The following ANKRD26 variants were observed in gnomAD, a reference collection of about 807,000 sequenced individuals.
The protein encoded by ANKRD26 is ankyrin repeat domain 26, also known as ankyrin repeat domain-containing protein 26.
Under a neutral mutation model 208.7 loss-of-function variants are expected in ANKRD26, and 141 were observed. The observed-to-expected ratio is 0.68, with a 90% CI of 0.59 to 0.78. The LOEUF (loss-of-function observed/expected upper bound fraction) is 0.78, where lower values mean the gene tolerates loss of function less well. ANKRD26 is among the 30% of genes least tolerant of loss of function. ANKRD26 has a pLI of 0.00. For missense variants in ANKRD26, 1,889 were observed against 1,938.7 expected, an observed-to-expected ratio of 0.97 and a Z score of 0.48; for synonymous variants, 636 against 660.4, an observed-to-expected ratio of 0.96 and a Z score of 0.57.
At chr10:26,988,244 C>T (rs1056382322), downstream of ANKRD26, among the ~76,000 whole-genome samples, 1 of 152,102 alleles carries the variant, frequency 6.6e-6, no homozygotes, top group Non-Finnish European at 1.5e-5. Flanking sequence ...ATTGGGAAAG[C>T]TAAAATTTCT....
rs1356208709 is a variant in ANKRD26 at position 27,047,739 on chromosome 10, A to AATAATAATTATT, written c.1814+1061_1814+1062insAATAATTATTAT. Among the ~76,000 whole-genome samples, 135 of 49,316 alleles carry AATAATAATTATT rather than the reference A, an allele frequency of 2.7e-3. 1 individual carries two copies. The highest frequency in any genetic ancestry group is 4.7e-3 in the African/African-American group (124 of 26,632). 32.4% of individuals were successfully genotyped at this position (49,316 alleles called of 152,430 possible). On this transcript the variant is annotated intron_variant, in intron 17 of 33. Coordinates refer to ENST00000376087, the MANE Select transcript of ANKRD26 (RefSeq NM_014915.3). ...TACTACTACTAATAATAATAATAATAATTATTATTATTATTATTATTGGAG... is the reference window on the plus strand; with the variant it reads ...TACTACTACTAATAATAATAATAATAATAATAATTATTATTATTATTATTATTATTATTGGAG...
At position 27,014,647 on chromosome 10, in the gene ANKRD26, C is replaced by G. The variant is rs2053229742; in HGVS notation, c.4571G>C (p.Ser1524Thr). Reference protein sequence around the residue: ...FRENNFASMKSQMELRIKDLE... With the variant: ...FRENNFASMKTQMELRIKDLE... ...ATCTTTAATTCTGAGTTCCATCTGA[C>G]TTTTCATTGAAGCAAAATTATTCTC... is the stretch of plus-strand genomic sequence containing the variant. The change falls in exon 31 of 34, where the codon AGT becomes ACT. Residue 1524 changes from serine to threonine, a missense_variant. Coordinates refer to ENST00000376087, the MANE Select transcript of ANKRD26 (RefSeq NM_014915.3). The G allele has an allele frequency of 6.2e-7, 1 of 1,612,856 alleles. No homozygotes were observed. Among genetic ancestry groups the G allele is most frequent in the Non-Finnish European group, 8.5e-7 (1 of 1,179,566 alleles).
rs1392413220 is a variant in ANKRD26 at position 27,046,515 on chromosome 10, G to A, written c.1823C>T (p.Pro608Leu). The change falls in exon 18 of 34, where the codon CCT becomes CTT. Residue 608 changes from proline to leucine, a missense_variant. Physicochemically the swap from Pro to Leu is moderately conservative, Grantham distance 98 (BLOSUM62 -3). Coordinates refer to ENST00000376087, the MANE Select transcript of ANKRD26 (RefSeq NM_014915.3). ...CTTTACTTCCTTCATTTGCAAGGCA[G>A]GACCACTACTTTAAAAAATCCATGG... The part of the protein sequence containing the change: ...KENKEYASSG[P>L]ALQMKEVKST... 6.2e-7 allele frequency: 1 copy of A among 1,612,934 alleles called. No individual in the cohort carries two copies. Among genetic ancestry groups the A allele is most frequent in the Non-Finnish European group, 8.5e-7 (1 of 1,179,874 alleles).
chr10:27,098,970 T>C (rs533915807), intron 1 of ANKRD26, among the ~76,000 whole-genome samples: 5 of 152,112 alleles, frequency 3.3e-5, no homozygotes, highest in Non-Finnish European at 5.9e-5. Flanking sequence ...TACACTTCTG[T>C]ATCTATTGCC....
In ANKRD26 at chr10:27,048,889, C is replaced by A. The variant is rs2054552938; in HGVS notation, c.1726G>T (p.Asp576Tyr). 1 of 1,613,078 alleles carries A rather than the reference C, an allele frequency of 6.2e-7. No individual in the cohort carries two copies. The highest frequency in any genetic ancestry group is 8.5e-7 in the Non-Finnish European group (1 of 1,179,616). ...TTTTGAATTAATCCATCATCATCAT[C>A]ATCATCTTCAGCATCATCAGTAGCA... Reference protein sequence around the residue: ...DGATDDAEDDDDDDGLIQKRK... With the variant: ...DGATDDAEDDYDDDGLIQKRK... The change falls in exon 17 of 34, where the codon GAT (aspartate) becomes TAT (tyrosine). Residue 576 changes from aspartate (D) to tyrosine (Y), a missense_variant. By Grantham distance (160) the Asp-to-Tyr change is radical. Transcript: ENST00000376087.
chr10:27,048,210 C>A (rs2054526497), intron 17 of ANKRD26, among the ~76,000 whole-genome samples: 1 of 152,128 alleles, frequency 6.6e-6, no homozygotes, highest in South Asian at 2.1e-4. Flanking sequence ...TCTGTGCAAT[C>A]CCTTGGCAAA....
rs1257814536 is a variant in ANKRD26, at chr10:27,035,574, G to A, written c.2876C>T (p.Thr959Ile). Residue 959 changes from threonine to isoleucine, a missense_variant, in exon 24 of 34, where the codon ACT becomes ATT. This residue lies in a region of ANKRD26 where 1,272 missense variants were observed against 1,273.8 expected (regional missense o/e 1.00). Transcript: ENST00000376087. ...TAATGTTTCCTCATTCTGTTTTATA[G>A]TCTTCTGAAGGTCTTCATTCTTTTC... ...VKEKNEDLQK[T>I]IKQNEETLTQ... is the part of the protein sequence containing the mutation. The A allele has an allele frequency of 6.2e-7, 1 of 1,613,366 alleles. No individual in the cohort carries two copies. The highest frequency in any genetic ancestry group is 8.5e-7 in the Non-Finnish European group (1 of 1,179,758).
intron 26 of ANKRD26, 27 bp downstream of exon 26, chr10:27,029,259 T>A: frequency 6.3e-7 from 1 of 1,592,660 alleles, no homozygotes; most frequent in Non-Finnish European, 8.6e-7. Flanking sequence ...ATAATCATGT[T>A]TTTCTGTGTG....
intron 3 of ANKRD26, among the ~76,000 whole-genome samples, chr10:27,092,898 C>T (rs35677484): frequency 0.08 from 12,136 of 152,162 alleles, 705 homozygotes; most frequent in East Asian, 0.28. Context: ...GCCTGGCCAA[C>T]ATGGCAAAAC....
At chr10:26,981,752 A>C (rs1365989432) in intron 4 of ANKRD26, among the ~76,000 whole-genome samples, 1 of 152,194 alleles carries the variant, frequency 6.6e-6, no homozygotes. Context: ...TTTCCTTTGA[A>C]TTTAACCAAT....
At chr10:26,949,706 T>C in the ANKRD26 span, among the ~76,000 whole-genome samples, 34 of 152,274 alleles carry the variant, frequency 2.2e-4, no homozygotes, top group African/African-American at 7.2e-4. Context: ...GCTTTCACCA[T>C]CGTGGCCAGG....
intron 19 of ANKRD26, among the ~76,000 whole-genome samples, chr10:27,043,828 A>G (rs2054348959): frequency 6.6e-6 from 1 of 151,482 alleles, no homozygotes; most frequent in African/African-American, 2.4e-5. Context: ...GTCTCGCTCT[A>G]TCACCCAGGC....
intron 7 of ANKRD26, 60 bp downstream of exon 7, chr10:27,079,029 G>A: frequency 6.9e-7 from 1 of 1,451,896 alleles, no homozygotes; most frequent in South Asian, 1.2e-5. Flanking sequence ...AATTTTAAGA[G>A]AATACTATAC....
At chr10:26,995,750 G>A (rs1375768355) in intron 4 of ANKRD26, among the ~76,000 whole-genome samples, 1 of 152,140 alleles carries the variant, frequency 6.6e-6, no homozygotes, top group Non-Finnish European at 1.5e-5. Flanking sequence ...CATTCATCTT[G>A]AGACACCTTG....
the ANKRD26 span, among the ~76,000 whole-genome samples, chr10:26,958,282 C>T: frequency 6.6e-6 from 1 of 152,032 alleles, no homozygotes; most frequent in Non-Finnish European, 1.5e-5. Context: ...GACTGGGTTT[C>T]ACCATGTTGG....
chr10:27,049,733 T>A (rs2054582337), intron 16 of ANKRD26, among the ~76,000 whole-genome samples: 1 of 152,188 alleles, frequency 6.6e-6, no homozygotes, highest in Admixed American at 6.5e-5. Context: ...AAAGATTAAA[T>A]GATCCATCCA....
chr10:27,060,917 C>T (rs142460426), intron 13 of ANKRD26, among the ~76,000 whole-genome samples: 84 of 152,224 alleles, frequency 5.5e-4, no homozygotes, highest in African/African-American at 1.9e-3. Context: ...TGGTAAAATG[C>T]GACAGCATAT....
chr10:27,094,714 C>T lies in ANKRD26; in HGVS notation c.243-915G>A, dbSNP rs536586738. Among the ~76,000 whole-genome samples, 7 of 152,276 alleles carry T rather than the reference C, an allele frequency of 4.6e-5. No homozygotes were observed. The East Asian group carries it at 9.6e-4, about 21-fold the overall frequency. On this transcript the variant is annotated intron_variant, in intron 1 of 33. Transcript: ENST00000376087. ...GTTGACAGTATGTTTTAAAGATCAG[C>T]GATAAGGCCAGGCATGGCGGCTCAT... is the stretch of plus-strand genomic sequence containing the variant.
chr10:27,027,164 A>T (rs1206721761), intron 27 of ANKRD26, among the ~76,000 whole-genome samples: 1 of 152,238 alleles, frequency 6.6e-6, no homozygotes, highest in Non-Finnish European at 1.5e-5. Context: ...GCACTGTGTT[A>T]TTCTGTAATG....
Sources: gnomAD v4.1 joint callset for allele counts (sites outside exome capture counted in the v4.1 genomes callset) on GRCh38, gnomAD v4.1.1 for gene constraint, gnomAD v4.1.1 regional missense constraint, MANE v1.5 for transcripts, NCBI Gene and HGNC (gene_info 2026-07-23, HGNC 2026-07-21) for gene names.